ABHD13: variants seen among roughly 807,000 people sequenced by gnomAD.
The protein encoded by ABHD13 is abhydrolase domain containing 13, also known as protein ABHD13.
In ABHD13, 7 loss-of-function variants were observed where a neutral mutation model predicts 25.2. The observed-to-expected ratio is 0.28, with a 90% CI of 0.16 to 0.52. The LOEUF is 0.52. Among genes scored for constraint, ABHD13 ranks in the 20% least tolerant of loss-of-function variants. The pLI is 0.96. For missense variants in ABHD13, 302 were observed against 402.7 expected (o/e 0.75, Z 2.14); for synonymous variants, 133 against 136.1 (o/e 0.98, Z 0.16).
intron 1 of ABHD13, among the ~76,000 whole-genome samples, chr13:108,219,660 G>A (rs892304548): frequency 1.3e-5 from 2 of 152,238 alleles, no homozygotes; most frequent in Non-Finnish European, 2.9e-5. Context: ...AGGCACTGCT[G>A]CGTACAGAAA....
At position 108,232,347 on chromosome 13, in the gene ABHD13, T is replaced by G. The variant is rs1180652713; in HGVS notation, c.*2115T>G. On this transcript the variant is annotated 3_prime_UTR_variant, in exon 2 of 2. Coordinates refer to ENST00000375898, the MANE Select transcript of ABHD13 (RefSeq NM_032859.3). ...TTCCCTACCTTCATTCTCTTAGGGT[T>G]AAGGAGCCTTTCTTTCTGCAGCTAA... 6.0e-6 allele frequency: 1 copy of G among 166,934 alleles called. No individual in the cohort carries two copies. Among genetic ancestry groups the G allele is most frequent in the Non-Finnish European group, 1.5e-5 (1 of 68,022 alleles). 10.3% of individuals were successfully genotyped at this position (166,934 alleles called of 1,614,324 possible).
intron 1 of ABHD13, among the ~76,000 whole-genome samples, chr13:108,228,185 C>A (rs1027446994): frequency 6.7e-6 from 1 of 149,654 alleles, no homozygotes; most frequent in African/African-American, 2.5e-5. Flanking sequence ...ACAAAAAATT[C>A]TCTTTTAATA....
Position 108,229,892 on chromosome 13 carries a change from T to G in ABHD13, c.674T>G (p.Met225Arg). ...VENTFLSIPH[M>R]ASTLFSFFPM... ...AACACATTTTTAAGCATACCACATA[T>G]GGCCAGCACTTTATTTTCATTCTTT... The change falls in exon 2 of 2, where the codon ATG (methionine) becomes AGG (arginine). Residue 225 changes from methionine to arginine, a missense_variant. Physicochemically the swap from Met to Arg is moderately conservative, Grantham distance 91. Coordinates refer to ENST00000375898, the MANE Select transcript of ABHD13 (RefSeq NM_032859.3). The surrounding 1 kb of genome is among the most constrained non-coding windows in gnomAD (Gnocchi z 4.7). The G allele has an allele frequency of 6.2e-7, 1 of 1,613,380 alleles. No individual in the cohort carries two copies. The highest frequency in any genetic ancestry group is 8.5e-7 in the Non-Finnish European group (1 of 1,179,458).
rs1256570312 is a variant in ABHD13, at chr13:108,233,920, G to T, written c.*3688G>T. 2.4e-5 allele frequency: 4 copies of T among 166,754 alleles called. No individual in the cohort carries two copies. In the East Asian group the frequency reaches 5.8e-4, roughly 24 times the overall value. The allele number at this position is 166,754 out of a possible 1,614,324, so 10.3% of individuals were successfully genotyped here. ...AGTGCCGTATATACATATGTAACAG[G>T]TGAGTGTGTGTTTAACATAATTTAT... On this transcript the variant is annotated 3_prime_UTR_variant, in exon 2 of 2. Coordinates refer to ENST00000375898, the MANE Select transcript of ABHD13 (RefSeq NM_032859.3).
At chr13:108,220,286 T>G (rs1879537038) in intron 1 of ABHD13, among the ~76,000 whole-genome samples, 1 of 152,222 alleles carries the variant, frequency 6.6e-6, no homozygotes, top group Non-Finnish European at 1.5e-5. Flanking sequence ...TGCCCTCTTC[T>G]TGGGCACATC....
At position 108,233,646 on chromosome 13, in the gene ABHD13, TA is replaced by T. The variant is rs560783006; in HGVS notation, c.*3415del. ...ATGGAAATGACAGAGCACAGACATT[TA>T]TTTTTTAAATTGATAGGGTAGAAAA... On this transcript the variant is annotated 3_prime_UTR_variant, in exon 2 of 2. Coordinates refer to ENST00000375898, the MANE Select transcript of ABHD13 (RefSeq NM_032859.3). The T allele has an allele frequency of 8.4e-4, 140 of 166,852 alleles. No individual in the cohort carries two copies. Among genetic ancestry groups the T allele is most frequent in the African/African-American group, 3.3e-3 (136 of 41,560 alleles). 10.3% of individuals were successfully genotyped at this position (166,852 alleles called of 1,614,324 possible).
chr13:108,221,614 C>G (rs1018749168), intron 1 of ABHD13, among the ~76,000 whole-genome samples: 5 of 151,976 alleles, frequency 3.3e-5, no homozygotes, highest in Non-Finnish European at 5.9e-5. Flanking sequence ...ACAAGCTGTT[C>G]CCAAAATTAT....
chr13:108,224,646 T>G (rs1193722840), intron 1 of ABHD13, among the ~76,000 whole-genome samples: 4 of 152,170 alleles, frequency 2.6e-5, no homozygotes, highest in Non-Finnish European at 5.9e-5. Flanking sequence ...CAGCTAACAC[T>G]GTTAGCCAGC....
rs1594493245 is a variant in ABHD13, at chr13:108,230,552, G to C, written c.*320G>C. 1 of 187,910 alleles carries C rather than the reference G, an allele frequency of 5.3e-6. No homozygotes were observed. Among genetic ancestry groups the C allele is most frequent in the Non-Finnish European group, 1.2e-5 (1 of 82,858 alleles). The allele number at this position is 187,910 out of a possible 1,614,324, so 11.6% of individuals were successfully genotyped here. Reference sequence around the variant, plus strand: ...AATCTGTTACACAGATGAATAGCTAGATGTGGAAAGAGATATGTAAACAAG... The same window carrying C: ...AATCTGTTACACAGATGAATAGCTACATGTGGAAAGAGATATGTAAACAAG... On this transcript the variant is annotated 3_prime_UTR_variant, in exon 2 of 2. Transcript: ENST00000375898.
At chr13:108,224,712 G>C (rs1425229048) in intron 1 of ABHD13, among the ~76,000 whole-genome samples, 2 of 152,048 alleles carry the variant, frequency 1.3e-5, no homozygotes, top group Non-Finnish European at 2.9e-5. Context: ...GTCTCAAATT[G>C]TTTATTGTAT....
chr13:108,231,277 A>G lies in ABHD13; in HGVS notation c.*1045A>G, dbSNP rs892937445. 6.0e-6 allele frequency: 1 copy of G among 166,610 alleles called. No individual in the cohort carries two copies. Among genetic ancestry groups the G allele is most frequent in the Non-Finnish European group, 1.5e-5 (1 of 67,942 alleles). The allele number at this position is 166,610 out of a possible 1,614,324, so 10.3% of individuals were successfully genotyped here. A position where few individuals can be genotyped will look rare whatever the true frequency, so the allele number is the denominator to read the frequency against. ...TTGAAAATAAAAGTTACAAAATCCA[A>G]CAACAACAACAACAAAACAATGTTC... On this transcript the variant is annotated 3_prime_UTR_variant, in exon 2 of 2. Coordinates refer to ENST00000375898, the MANE Select transcript of ABHD13 (RefSeq NM_032859.3).
rs1041086674 is a variant in ABHD13, at chr13:108,233,912, T to A, written c.*3680T>A. 6.0e-6 allele frequency: 1 copy of A among 166,856 alleles called. No homozygotes were observed. The highest frequency in any genetic ancestry group is 2.4e-5 in the African/African-American group (1 of 41,436). 10.3% of individuals were successfully genotyped at this position (166,856 alleles called of 1,614,324 possible). ...TTACAAAAAGTGCCGTATATACATATGTAACAGGTGAGTGTGTGTTTAACA... is the reference window on the plus strand; with the variant it reads ...TTACAAAAAGTGCCGTATATACATAAGTAACAGGTGAGTGTGTGTTTAACA... On this transcript the variant is annotated 3_prime_UTR_variant, in exon 2 of 2. Coordinates refer to ENST00000375898, the MANE Select transcript of ABHD13 (RefSeq NM_032859.3).
rs577584668 is a variant in ABHD13, at chr13:108,230,709, A to G, written c.*477A>G. 22 of 169,316 alleles carry G rather than the reference A, an allele frequency of 1.3e-4. No homozygotes were observed. The highest frequency in any genetic ancestry group is 3.0e-4 in the Non-Finnish European group (21 of 69,794). The allele number at this position is 169,316 out of a possible 1,614,324, so 10.5% of individuals were successfully genotyped here. A position where few individuals can be genotyped will look rare whatever the true frequency, so the allele number is the denominator to read the frequency against. On this transcript the variant is annotated 3_prime_UTR_variant, in exon 2 of 2. Coordinates refer to ENST00000375898, the MANE Select transcript of ABHD13 (RefSeq NM_032859.3). ...GGTATTTTATTCCTTGAATTATGCA[A>G]TGCAACATTTTACATGTAAATAGCA...
Position 108,232,104 on chromosome 13 carries a change from G to A in ABHD13, c.*1872G>A, listed in dbSNP as rs1432888937. 1 of 165,108 alleles carries A rather than the reference G, an allele frequency of 6.1e-6. No homozygotes were observed. The highest frequency in any genetic ancestry group is 1.5e-5 in the Non-Finnish European group (1 of 67,608). The allele number at this position is 165,108 out of a possible 1,614,324, so 10.2% of individuals were successfully genotyped here. ...CCTTATATTTGTATCATTCTTTAAAGTTTACAAAAAAAAACCTTATGTTTT... is the reference window on the plus strand; with the variant it reads ...CCTTATATTTGTATCATTCTTTAAAATTTACAAAAAAAAACCTTATGTTTT... On this transcript the variant is annotated 3_prime_UTR_variant, in exon 2 of 2. Coordinates refer to ENST00000375898, the MANE Select transcript of ABHD13 (RefSeq NM_032859.3).
chr13:108,229,359 G>A lies in ABHD13; in HGVS notation c.141G>A (p.Leu47=), dbSNP rs374362664. The change falls in exon 2 of 2, where the codon TTG becomes TTA. Residue 47 remains leucine, a synonymous_variant. Coordinates refer to ENST00000375898, the MANE Select transcript of ABHD13 (RefSeq NM_032859.3). The surrounding 1 kb of genome is among the most constrained non-coding windows in gnomAD (Gnocchi z 4.7). ...FHLYGGIILL[L]LIFISIAGIL... ...TGTATGGAGGCATTATCTTACTTTT[G>A]TTAATATTCATATCAATAGCAGGTA... is the stretch of plus-strand genomic sequence containing the variant. 5 of 1,612,682 alleles carry A rather than the reference G, an allele frequency of 3.1e-6. No homozygotes were observed. Among genetic ancestry groups the A allele is most frequent in the Non-Finnish European group, 4.2e-6 (5 of 1,179,220 alleles).
At chr13:108,226,828 C>T (rs1299469844) in intron 1 of ABHD13, among the ~76,000 whole-genome samples, 5 of 152,010 alleles carry the variant, frequency 3.3e-5, no homozygotes, top group Admixed American at 3.3e-4. Context: ...CCTTTAAGAT[C>T]ACCTTTGAGA....
At chr13:108,227,655 C>G (rs1879702932) in intron 1 of ABHD13, among the ~76,000 whole-genome samples, 1 of 151,980 alleles carries the variant, frequency 6.6e-6, no homozygotes, top group Non-Finnish European at 1.5e-5. Flanking sequence ...ATACCAGTCA[C>G]AAAAGCAAAT....
chr13:108,222,784 T>C (rs934010836), intron 1 of ABHD13, among the ~76,000 whole-genome samples: 8 of 152,218 alleles, frequency 5.3e-5, no homozygotes, highest in Admixed American at 2.0e-4. Flanking sequence ...AATAAAATTT[T>C]ATATAAAACA....
intron 1 of ABHD13, among the ~76,000 whole-genome samples, chr13:108,218,935 T>G (rs761161725): frequency 7.9e-5 from 12 of 152,170 alleles, no homozygotes; most frequent in Non-Finnish European, 1.5e-4. Flanking sequence ...AAATACCTGT[T>G]TTGGAAACTA....
Sources: gnomAD v4.1 joint callset for allele counts (sites outside exome capture counted in the v4.1 genomes callset) on GRCh38, gnomAD v4.1.1 for gene constraint, Gnocchi (gnomAD v3.1) non-coding constraint, MANE v1.5 for transcripts, NCBI Gene and HGNC (gene_info 2026-07-23, HGNC 2026-07-21) for gene names.